Variants in NRXN1 observed in about 807,000 individuals in gnomAD.
NRXN1 encodes the protein neurexin-1.
A neutral mutation model predicts 150.9 loss-of-function variants in NRXN1; 39 were observed. The ratio of observed to expected loss-of-function variants is 0.26; its 90% CI spans 0.20 to 0.34. NRXN1 has a LOEUF of 0.34. NRXN1 is among the 10% of genes least tolerant of loss of function. The probability of loss-of-function intolerance (pLI) is 1.00; values close to 1 mark genes in which losing one functional copy is unlikely to be tolerated. For synonymous variants in NRXN1, 924 were observed against 757.0 expected (o/e 1.22, Z -3.62); for missense variants, 1,815 against 1,949.9 (o/e 0.93, Z 1.30).
intron 15 of NRXN1, among the ~76,000 whole-genome samples, chr2:50,483,906 T>C (rs2090673490): frequency 6.6e-6 from 1 of 152,250 alleles, no homozygotes; most frequent in South Asian, 2.1e-4. Context: ...AATTAGACTT[T>C]CTTTCCCAAA....
At chr2:50,289,392 T>G (rs1340980344) in intron 17 of NRXN1, among the ~76,000 whole-genome samples, 3 of 152,048 alleles carry the variant, frequency 2.0e-5, no homozygotes, top group Non-Finnish European at 4.4e-5. Context: ...CTAAGTCACT[T>G]ATGCAAATTT....
intron 19 of NRXN1, among the ~76,000 whole-genome samples, chr2:50,063,006 A>G (rs1694786000): frequency 6.6e-6 from 1 of 152,216 alleles, no homozygotes; most frequent in Non-Finnish European, 1.5e-5. Flanking sequence ...TCTGAAAGTC[A>G]TCTATACCAC....
chr2:50,207,033 A>T (rs977119059), intron 18 of NRXN1, among the ~76,000 whole-genome samples: 3 of 151,976 alleles, frequency 2.0e-5, no homozygotes, highest in African/African-American at 7.2e-5. Flanking sequence ...CTCTTCTAGC[A>T]CTCTTCTTCA....
At chr2:50,055,110 T>C (rs1693393844) in intron 19 of NRXN1, 66 bp from the exon 20 acceptor site, 1 of 1,110,050 alleles carries the variant, frequency 9.0e-7, no homozygotes, top group Non-Finnish European at 1.3e-6. Context: ...AAGTTAATAC[T>C]TAAAGATTGA....
intron 22 of NRXN1, among the ~76,000 whole-genome samples, chr2:49,925,244 A>G (rs1668891889): frequency 6.7e-6 from 1 of 148,332 alleles, no homozygotes; most frequent in African/African-American, 2.5e-5. Context: ...CGCACACTAC[A>G]CTCCAGCCTG....
At chr2:50,666,545 C>T (rs1481005606) in intron 5 of NRXN1, among the ~76,000 whole-genome samples, 1 of 151,840 alleles carries the variant, frequency 6.6e-6, no homozygotes, top group African/African-American at 2.4e-5. Context: ...TTCACATTCC[C>T]ATGAATGGTA....
At chr2:50,101,618 G>A (rs1334040113) in intron 18 of NRXN1, among the ~76,000 whole-genome samples, 1 of 151,928 alleles carries the variant, frequency 6.6e-6, no homozygotes, top group Non-Finnish European at 1.5e-5. Context: ...AAAACAAAAT[G>A]AACCTTCGTA....
At chr2:50,104,179 G>C (rs1701340746) in intron 18 of NRXN1, among the ~76,000 whole-genome samples, 1 of 151,956 alleles carries the variant, frequency 6.6e-6, no homozygotes, top group South Asian at 2.1e-4. Flanking sequence ...CTACTTAAAA[G>C]TCTGGGCTGA....
intron 2 of NRXN1, among the ~76,000 whole-genome samples, chr2:50,942,382 C>G (rs1458910207): frequency 6.6e-6 from 1 of 152,148 alleles, no homozygotes; most frequent in Non-Finnish European, 1.5e-5. Flanking sequence ...GGCAGCTACT[C>G]CAGACCCCAG....
chr2:50,538,192 G>A, intron 10 of NRXN1, 61 bp downstream of exon 10: 2 of 1,552,474 alleles, frequency 1.3e-6, no homozygotes, highest in Admixed American at 1.8e-5. Flanking sequence ...GCAGGTTTGA[G>A]GTCAACATTT....
chr2:50,459,662 A>C (rs2087958825), intron 17 of NRXN1, among the ~76,000 whole-genome samples: 1 of 152,234 alleles, frequency 6.6e-6, no homozygotes, highest in South Asian at 2.1e-4. Context: ...TTATGTTTGC[A>C]TGGTATTCTA....
At chr2:50,836,874 CTG>C (rs1253935695) in intron 5 of NRXN1, among the ~76,000 whole-genome samples, 1 of 146,104 alleles carries the variant, frequency 6.8e-6, no homozygotes, top group African/African-American at 2.5e-5. Flanking sequence ...ACAAATATGA[CTG>C]TGGCAGCATC....
chr2:50,958,678 C>G (rs752636657), intron 2 of NRXN1, among the ~76,000 whole-genome samples: 9 of 151,916 alleles, frequency 5.9e-5, no homozygotes, highest in Non-Finnish European at 1.3e-4. Context: ...GTCTGGATAC[C>G]TCTTAGTTTC....
intron 15 of NRXN1, among the ~76,000 whole-genome samples, chr2:50,495,382 T>TG (rs1242641676): frequency 7.7e-5 from 9 of 116,360 alleles, no homozygotes; most frequent in African/African-American, 3.2e-4. Context: ...GTGTGTGTGG[T>TG]GTGTGTGTGT....
chr2:49,924,444 A>ACTAT (rs1334528607), intron 22 of NRXN1, among the ~76,000 whole-genome samples: 1 of 152,174 alleles, frequency 6.6e-6, no homozygotes, highest in Non-Finnish European at 1.5e-5. Context: ...TCGTAAATGG[A>ACTAT]CTATCTTATC....
intron 18 of NRXN1, among the ~76,000 whole-genome samples, chr2:50,208,835 T>A (rs1408937134): frequency 6.6e-6 from 1 of 152,198 alleles, no homozygotes; most frequent in African/African-American, 2.4e-5. Context: ...ATTCTTGCGT[T>A]AACACATTTG....
At chr2:50,170,721 T>G (rs1164614756) in intron 18 of NRXN1, among the ~76,000 whole-genome samples, 1 of 151,808 alleles carries the variant, frequency 6.6e-6, no homozygotes, top group Non-Finnish European at 1.5e-5. Context: ...GTTCAAGCAT[T>G]TTGGATAAGG....
At chr2:49,965,209 T>C (rs903290245) in intron 21 of NRXN1, among the ~76,000 whole-genome samples, 1 of 151,540 alleles carries the variant, frequency 6.6e-6, no homozygotes, top group Admixed American at 6.6e-5. Context: ...TCCTTGTGTC[T>C]AAGAAAAAAT....
rs1021169569 is a variant in NRXN1, at chr2:51,028,447, AACCCC to A, written c.-179_-175del. The A allele has an allele frequency of 2.5e-5, 11 of 436,886 alleles. No homozygotes were observed. Among genetic ancestry groups the A allele is most frequent in the African/African-American group, 2.0e-4 (10 of 49,298 alleles). The allele number at this position is 436,886 out of a possible 1,614,324, so 27.1% of individuals were successfully genotyped here. A position where few individuals can be genotyped will look rare whatever the true frequency, so the allele number is the denominator to read the frequency against. On this transcript the variant is annotated 5_prime_UTR_variant, in exon 2 of 23. Coordinates refer to ENST00000401669, the MANE Select transcript of NRXN1 (RefSeq NM_001330078.2). Reference sequence around the variant, plus strand: ...CTTTTTTTCTTCTTCTTCTTCCAATAACCCCGCCCTCTCTCCCTGTAGTCCTCTTC... The same window carrying A: ...CTTTTTTTCTTCTTCTTCTTCCAATAGCCCTCTCTCCCTGTAGTCCTCTTC...
Sources: allele counts gnomAD v4.1 joint callset (sites outside exome capture counted in the v4.1 genomes callset), GRCh38; gene constraint gnomAD v4.1.1; transcripts MANE v1.5; gene names NCBI Gene and HGNC (gene_info 2026-07-23, HGNC 2026-07-21).